The following ABCC5 variants were observed in gnomAD, a reference collection of about 807,000 sequenced individuals.
The protein encoded by ABCC5 is ATP-binding cassette sub-family C member 5.
Under a neutral mutation model 160.9 loss-of-function variants are expected in ABCC5, and 61 were observed. That is an observed-to-expected ratio of 0.38 (90% confidence interval 0.31 to 0.47). The LOEUF (loss-of-function observed/expected upper bound fraction) is 0.47, where lower values mean the gene tolerates loss of function less well. ABCC5 is among the 20% of genes least tolerant of loss of function. The pLI is 0.99. For synonymous variants in ABCC5, 666 were observed against 700.6 expected, an observed-to-expected ratio of 0.95 and a Z score of 0.78; for missense variants, 1,308 against 1,813.3, an observed-to-expected ratio of 0.72 and a Z score of 5.06.
rs375899840 is a variant in ABCC5 at position 183,945,916 on chromosome 3, C to T, written c.3438G>A (p.Thr1146=). 13 of 1,613,932 alleles carry T rather than the reference C, an allele frequency of 8.1e-6. No homozygotes were observed. Among genetic ancestry groups the T allele is most frequent in the Non-Finnish European group, 1.1e-5 (13 of 1,179,956 alleles). ...AVQLTGLFQF[T]VRLASETEAR... is the part of the protein sequence containing the mutation. ...CTTCTGTCTCAGATGCCAGTCTGAC[C>T]GTAAACTGGAACAGCCCCGTTAACT... is the stretch of plus-strand genomic sequence containing the variant. Residue 1146 remains threonine, a synonymous_variant, in exon 24 of 30, where the codon ACG becomes ACA. Transcript: ENST00000334444.
Position 183,920,466 on chromosome 3 carries a change from T to G in ABCC5, c.*834A>C, listed in dbSNP as rs1439484295. The G allele has an allele frequency of 1.1e-4, 17 of 152,490 alleles. No individual in the cohort carries two copies. Among genetic ancestry groups the G allele is most frequent in the Non-Finnish European group, 1.3e-4 (9 of 68,024 alleles). 9.4% of individuals were successfully genotyped at this position (152,490 alleles called of 1,614,324 possible). ...GAACCTGAGGCAGTGGGACTCTCTG[T>G]GGATAGACTGATTCTTGTTTAGAAA... On this transcript the variant is annotated 3_prime_UTR_variant, in exon 30 of 30. Transcript: ENST00000334444. This position sits in a 1 kb window ranked among gnomAD's most constrained non-coding sequence, Gnocchi z 4.1.
intron 12 of ABCC5, among the ~76,000 whole-genome samples, chr3:183,966,601 T>TC (rs947320526): frequency 6.6e-6 from 1 of 151,816 alleles, no homozygotes. Flanking sequence ...CTTCTCCCCC[T>TC]CCCCCCATCT....
At chr3:184,002,400 A>C (rs1720820798) in intron 2 of ABCC5, among the ~76,000 whole-genome samples, 1 of 147,086 alleles carries the variant, frequency 6.8e-6, no homozygotes, top group Non-Finnish European at 1.5e-5. Context: ...CTCCGTCTCA[A>C]AAAAAAAAAA....
chr3:183,998,782 C>G (rs565649178), intron 2 of ABCC5, among the ~76,000 whole-genome samples: 2 of 152,056 alleles, frequency 1.3e-5, no homozygotes, highest in African/African-American at 4.8e-5. Context: ...AGGGTGAATA[C>G]CAGATTAAGA....
intron 2 of ABCC5, among the ~76,000 whole-genome samples, chr3:184,004,321 C>T (rs867527014): frequency 6.6e-6 from 1 of 151,658 alleles, no homozygotes; most frequent in South Asian, 2.1e-4. Flanking sequence ...ACCAGCCTGG[C>T]CAACATGGTG....
At chr3:184,006,127 G>A (rs983081216) in intron 2 of ABCC5, among the ~76,000 whole-genome samples, 2 of 152,036 alleles carry the variant, frequency 1.3e-5, no homozygotes, top group Admixed American at 6.6e-5. Flanking sequence ...TACCAAGCAT[G>A]AGAGCCACCT....
chr3:183,937,238 C>A (rs1477193531), intron 26 of ABCC5, among the ~76,000 whole-genome samples: 1 of 151,866 alleles, frequency 6.6e-6, no homozygotes, highest in Non-Finnish European at 1.5e-5. Context: ...TTAGCTGGGC[C>A]TGGGGGAGGG....
At chr3:184,014,494 C>G in intron 1 of ABCC5, 47 bp from the exon 2 acceptor site, 4 of 1,185,600 alleles carry the variant, frequency 3.4e-6, no homozygotes, top group Non-Finnish European at 4.4e-6. Context: ...CTAAACAGTA[C>G]TTAACCATAA....
Position 183,957,844 on chromosome 3 carries a change from A to T in ABCC5, c.2482+1889T>A, listed in dbSNP as rs540387448. ...TGTATATCACATCTGTTACATGCGG[A>T]TCCGTGTGTATATCACATCTGTTAC... On this transcript the variant is annotated intron_variant, in intron 17 of 29. Coordinates refer to ENST00000334444, the MANE Select transcript of ABCC5 (RefSeq NM_005688.4). Among the ~76,000 whole-genome samples, 73 of 138,046 alleles carry T rather than the reference A, an allele frequency of 5.3e-4. No homozygotes were observed. The Middle Eastern group carries it at 0.014, about 27-fold the overall frequency. The allele number at this position is 138,046 out of a possible 152,430, so 90.6% of individuals were successfully genotyped here.
Position 183,928,818 on chromosome 3 carries a change from A to G in ABCC5, c.3862T>C (p.Leu1288=), listed in dbSNP as rs1712871054. The change falls in exon 27 of 30, where the codon TTG becomes CTG. Residue 1288 remains leucine, a synonymous_variant. Transcript: ENST00000334444. ...VLFSGTVRSN[L]DPFNQYTEDQ... ...TCAGTGTACTGGTTGAAGGGGTCCA[A>G]ATTTGATCTAGGGAGAAACACAGGA... The G allele has an allele frequency of 6.2e-7, 1 of 1,613,930 alleles. No individual in the cohort carries two copies. Among genetic ancestry groups the G allele is most frequent in the Non-Finnish European group, 8.5e-7 (1 of 1,179,894 alleles).
Position 183,953,088 on chromosome 3 carries a change from C to T in ABCC5, c.2665G>A (p.Gly889Arg), listed in dbSNP as rs750734382. Residue 889 changes from glycine to arginine, a missense_variant and splice_region_variant, in exon 18 of 30, where the codon GGG becomes AGG. This residue lies in a region of ABCC5 where 1,142 missense variants were observed against 1,527.1 expected (regional missense o/e 0.75). Coordinates refer to ENST00000334444, the MANE Select transcript of ABCC5 (RefSeq NM_005688.4). ...TTCCCATTTATGAGTAACCTTACCCCGCTTCCTTGCTTGATCCAGTAACTC... is the reference window on the plus strand; with the variant it reads ...TTCCCATTTATGAGTAACCTTACCCTGCTTCCTTGCTTGATCCAGTAACTC... ...WLSYWIKQGS[G>R]NTTVTRGNET... The T allele has an allele frequency of 9.7e-5, 157 of 1,613,062 alleles. No homozygotes were observed. The highest frequency in any genetic ancestry group is 1.3e-4 in the Non-Finnish European group (151 of 1,179,666).
chr3:183,928,552 G>T (rs538638806), intron 27 of ABCC5, among the ~76,000 whole-genome samples, 195 bp downstream of exon 27: 1 of 152,198 alleles, frequency 6.6e-6, no homozygotes, highest in Non-Finnish European at 1.5e-5. Context: ...CAATATGACC[G>T]TAGGCAGTGT....
At chr3:184,006,363 TGAGTCACC>T (rs1361233496) in intron 2 of ABCC5, 3 of 150,492 alleles carry the variant, frequency 2.0e-5, no homozygotes, top group Admixed American at 1.3e-4. Context: ...GAAAATCTGC[TGAGTCACC>T]GAGTATCAAT....
At position 184,010,993 on chromosome 3, in the gene ABCC5, C is replaced by T. The variant is rs1240953726; in HGVS notation, c.129+3271G>A. Among the ~76,000 whole-genome samples the T allele has an allele frequency of 3.3e-5, 5 of 151,968 alleles. No homozygotes were observed. The East Asian group carries it at 7.7e-4, about 24-fold the overall frequency. On this transcript the variant is annotated intron_variant, in intron 2 of 29. Coordinates refer to ENST00000334444, the MANE Select transcript of ABCC5 (RefSeq NM_005688.4). ...CTGAGCTCAGGCAATCCACCAGCCT[C>T]GGCCTCCCAAAGTGCTAGGATTACG...
Position 183,989,351 on chromosome 3 carries a change from G to C in ABCC5, c.162C>G (p.Ala54=). 11 of 1,613,944 alleles carry C rather than the reference G, an allele frequency of 6.8e-6. No homozygotes were observed. The highest frequency in any genetic ancestry group is 9.3e-6 in the Non-Finnish European group (11 of 1,179,954). The part of the protein sequence containing the change: ...LECQDALETA[A]RAEGLSLDAS... Reference sequence around the variant, plus strand: ...CATCAAGAGAGAGGCCCTCGGCTCGGGCTGCTGTTTCCAAGGCATCTTGGC... The same window carrying C: ...CATCAAGAGAGAGGCCCTCGGCTCGCGCTGCTGTTTCCAAGGCATCTTGGC... Residue 54 remains alanine, a synonymous_variant, in exon 3 of 30, where the codon GCC becomes GCG. Coordinates refer to ENST00000334444, the MANE Select transcript of ABCC5 (RefSeq NM_005688.4).
At position 183,951,750 on chromosome 3, in the gene ABCC5, T is replaced by C; in HGVS notation, c.2814+107A>G. ...ATATGAGTCATCTCAGCCAGGGCCA[T>C]CCTGGTTAAGGGAGCTCCCCTACTC... is the stretch of plus-strand genomic sequence containing the variant. On this transcript the variant is annotated intron_variant, in intron 19 of 29. Transcript: ENST00000334444. This position sits in a 1 kb window ranked among gnomAD's most constrained non-coding sequence, Gnocchi z 4.7. The C allele has an allele frequency of 3.3e-6, 5 of 1,503,056 alleles. No homozygotes were observed. The highest frequency in any genetic ancestry group is 4.5e-6 in the Non-Finnish European group (5 of 1,109,362). The allele number at this position is 1,503,056 out of a possible 1,614,324, so 93.1% of individuals were successfully genotyped here. A position where few individuals can be genotyped will look rare whatever the true frequency, so the allele number is the denominator to read the frequency against.
In ABCC5 at chr3:183,953,270, C is replaced by T; in HGVS notation, c.2483G>A (p.Gly828Glu). ...KKEKAVKPEE[G>E]QLVQLEEKGQ... ...TTTCTCTTCCAGCTGCACAAGCTGC[C>T]CTAGGTAAGAAAAAAAGAAACATGG... is the stretch of plus-strand genomic sequence containing the variant. The change falls in exon 18 of 30, where the codon GGG becomes GAG. Residue 828 changes from glycine (G) to glutamate (E), a missense_variant and splice_region_variant. Physicochemically the swap from Gly to Glu is moderately conservative, Grantham distance 98. Around this residue, in one of 3 missense-constraint regions of ABCC5, gnomAD observed 1,142 missense variants for 1,527.1 expected, o/e 0.75. Coordinates refer to ENST00000334444, the MANE Select transcript of ABCC5 (RefSeq NM_005688.4). The T allele has an allele frequency of 6.3e-7, 1 of 1,589,400 alleles. No homozygotes were observed. Among genetic ancestry groups the T allele is most frequent in the Non-Finnish European group, 8.6e-7 (1 of 1,169,412 alleles).
In ABCC5 at chr3:183,963,592, C is replaced by T; in HGVS notation, c.2032-4G>A. Reference sequence around the variant, plus strand: ...GGTTGGCTCCTCGCTCTCCAATCTACAAGAGCCCAGAAGTGTGGTGAAGCC... The same window carrying T: ...GGTTGGCTCCTCGCTCTCCAATCTATAAGAGCCCAGAAGTGTGGTGAAGCC... On this transcript the variant is annotated splice_region_variant and splice_polypyrimidine_tract_variant and intron_variant, in intron 14 of 29. Transcript: ENST00000334444. This position sits in a 1 kb window ranked among gnomAD's most constrained non-coding sequence, Gnocchi z 4.6. The T allele has an allele frequency of 1.9e-6, 3 of 1,613,340 alleles. No individual in the cohort carries two copies. Among genetic ancestry groups the T allele is most frequent in the Non-Finnish European group, 1.7e-6 (2 of 1,180,010 alleles).
At chr3:183,995,788 A>G (rs1433560981) in intron 2 of ABCC5, among the ~76,000 whole-genome samples, 1 of 152,100 alleles carries the variant, frequency 6.6e-6, no homozygotes, top group East Asian at 1.9e-4. Context: ...AACCAAGTTC[A>G]AGAGTTAGAA....
Sources: gnomAD v4.1 joint callset for allele counts (sites outside exome capture counted in the v4.1 genomes callset) on GRCh38, gnomAD v4.1.1 for gene constraint, gnomAD v4.1.1 regional missense constraint, Gnocchi (gnomAD v3.1) non-coding constraint, MANE v1.5 for transcripts, NCBI Gene and HGNC (gene_info 2026-07-23, HGNC 2026-07-21) for gene names.